Variants in CTNNA3 observed in about 807,000 individuals in gnomAD.
CTNNA3 encodes the protein catenin alpha 3.
CTNNA3 carries 76 observed loss-of-function variants against 95.7 expected under a neutral mutation model. That is an observed-to-expected ratio of 0.79 (90% CI 0.66 to 0.96). The LOEUF (loss-of-function observed/expected upper bound fraction) is 0.96. Among genes scored for constraint, CTNNA3 ranks in the 40% least tolerant of loss-of-function variants. CTNNA3 has a pLI of 0.00. For missense variants in CTNNA3, 1,191 were observed against 1,089.8 expected (o/e 1.09, Z -1.31); for synonymous variants, 431 against 374.4 (o/e 1.15, Z -1.74).
intron 7 of CTNNA3, among the ~76,000 whole-genome samples, chr10:66,793,163 A>T (rs1049168640): frequency 5.3e-5 from 8 of 151,996 alleles, no homozygotes; most frequent in Non-Finnish European, 1.2e-4. Context: ...TTGTTGTTTT[A>T]AGACAGAGTC....
At chr10:67,057,848 G>T (rs1450827190) in intron 7 of CTNNA3, among the ~76,000 whole-genome samples, 1 of 152,048 alleles carries the variant, frequency 6.6e-6, no homozygotes, top group Non-Finnish European at 1.5e-5. Flanking sequence ...ACCAAAGATT[G>T]AAGCCAAAAT....
chr10:67,481,148 A>T (rs1272492575), intron 5 of CTNNA3, among the ~76,000 whole-genome samples: 1 of 152,172 alleles, frequency 6.6e-6, no homozygotes, highest in Non-Finnish European at 1.5e-5. Flanking sequence ...AGAACCATCT[A>T]TGATAAACCC....
At chr10:66,579,619 C>T (rs1193900461) in intron 10 of CTNNA3, among the ~76,000 whole-genome samples, 2 of 151,690 alleles carry the variant, frequency 1.3e-5, no homozygotes, top group Non-Finnish European at 3.0e-5. Context: ...CAAGTTTTTG[C>T]ATTGTTGATA....
chr10:66,006,081 C>T (rs911011977), intron 15 of CTNNA3, among the ~76,000 whole-genome samples: 8 of 147,700 alleles, frequency 5.4e-5, no homozygotes, highest in African/African-American at 7.5e-5. Flanking sequence ...GGCACGATCT[C>T]GGCTCAGTGC....
chr10:66,865,899 A>C (rs924167747), intron 7 of CTNNA3, among the ~76,000 whole-genome samples: 1 of 152,086 alleles, frequency 6.6e-6, no homozygotes, highest in South Asian at 2.1e-4. Context: ...TTTTAGGAAA[A>C]ATAAAATTTA....
chr10:67,642,869 G>T (rs773531984), intron 2 of CTNNA3, among the ~76,000 whole-genome samples: 31 of 152,106 alleles, frequency 2.0e-4, no homozygotes, highest in Non-Finnish European at 3.5e-4. Flanking sequence ...TTACATTGTT[G>T]GTGGGTATGT....
chr10:66,117,048 T>A lies in CTNNA3; in HGVS notation c.1885-13799A>T, dbSNP rs1485869518. Among the ~76,000 whole-genome samples the A allele has an allele frequency of 1.3e-5, 2 of 152,130 alleles. 1 individual carries two copies. Among genetic ancestry groups the A allele is most frequent in the Admixed American group, 1.3e-4 (2 of 15,246 alleles). ...GCATGATTCCATTTATATAACATTCTAAAACTTGCCAGTCAATCTGTAGTG... is the reference window on the plus strand; with the variant it reads ...GCATGATTCCATTTATATAACATTCAAAAACTTGCCAGTCAATCTGTAGTG... On this transcript the variant is annotated intron_variant, in intron 13 of 17. Transcript: ENST00000433211.
At chr10:67,673,619 C>A (rs1840482432) in intron 1 of CTNNA3, among the ~76,000 whole-genome samples, 1 of 146,828 alleles carries the variant, frequency 6.8e-6, no homozygotes, top group Non-Finnish European at 1.5e-5. Context: ...TTGAGATAAT[C>A]ATGTGGTTTT....
chr10:66,754,046 A>C (rs1031570859), intron 9 of CTNNA3, among the ~76,000 whole-genome samples: 1 of 152,196 alleles, frequency 6.6e-6, no homozygotes, highest in African/African-American at 2.4e-5. Context: ...ATTCATATAG[A>C]AATACAAGGG....
At chr10:67,752,275 C>T (rs1442158675) in intron 1 of CTNNA3, among the ~76,000 whole-genome samples, 2 of 152,136 alleles carry the variant, frequency 1.3e-5, no homozygotes, top group Non-Finnish European at 2.9e-5. Flanking sequence ...ATTTAACATC[C>T]CTTCATGTTA....
chr10:66,975,681 A>G (rs912333653), intron 7 of CTNNA3, among the ~76,000 whole-genome samples: 1 of 152,138 alleles, frequency 6.6e-6, no homozygotes, highest in Non-Finnish European at 1.5e-5. Flanking sequence ...TTCATCCACA[A>G]GTTTATCTGG....
At chr10:67,541,047 T>A (rs575781861) in intron 3 of CTNNA3, among the ~76,000 whole-genome samples, 3 of 151,986 alleles carry the variant, frequency 2.0e-5, no homozygotes, top group Non-Finnish European at 2.9e-5. Flanking sequence ...TAACTTATTT[T>A]ACCAGGCCCC....
chr10:66,001,622 T>C (rs1399720708), intron 15 of CTNNA3, among the ~76,000 whole-genome samples: 1 of 152,126 alleles, frequency 6.6e-6, no homozygotes, highest in Non-Finnish European at 1.5e-5. Flanking sequence ...GAATAGAAAA[T>C]CAAATGTTTT....
intron 6 of CTNNA3, among the ~76,000 whole-genome samples, chr10:67,189,137 AACAAC>A (rs1863000688): frequency 8.3e-6 from 1 of 120,674 alleles, no homozygotes; most frequent in Admixed American, 7.2e-5. Context: ...AAACAACAAC[AACAAC>A]AAAAAAAAAA....
chr10:66,728,538 T>C (rs1848849581), intron 9 of CTNNA3, among the ~76,000 whole-genome samples: 1 of 152,300 alleles, frequency 6.6e-6, no homozygotes, highest in African/African-American at 2.4e-5. Flanking sequence ...TTGCCTAATT[T>C]TCTTCTAGCG....
intron 1 of CTNNA3, among the ~76,000 whole-genome samples, chr10:67,690,037 C>G (rs1195662118): frequency 6.6e-6 from 1 of 152,076 alleles, no homozygotes; most frequent in Non-Finnish European, 1.5e-5. Context: ...AGCCGCAGAC[C>G]CCACGGTGAC....
chr10:66,246,069 G>A (rs2090310079), intron 13 of CTNNA3, among the ~76,000 whole-genome samples: 1 of 152,168 alleles, frequency 6.6e-6, no homozygotes, highest in Non-Finnish European at 1.5e-5. Context: ...CCCAAAGGTG[G>A]GGCCTCACCA....
intron 13 of CTNNA3, among the ~76,000 whole-genome samples, chr10:66,261,487 AATTGT>A (rs2090999578): frequency 6.6e-6 from 1 of 152,198 alleles, no homozygotes; most frequent in Non-Finnish European, 1.5e-5. Context: ...ATTGTATTAC[AATTGT>A]ATTTAATTAA....
chr10:67,437,395 A>G (rs937388801), intron 5 of CTNNA3, among the ~76,000 whole-genome samples: 3 of 152,120 alleles, frequency 2.0e-5, no homozygotes, highest in Admixed American at 6.6e-5. Context: ...TGATGGGTGC[A>G]CCAAAATCTC....
Sources: gnomAD v4.1 joint callset for allele counts (sites outside exome capture counted in the v4.1 genomes callset) on GRCh38, gnomAD v4.1.1 for gene constraint, MANE v1.5 for transcripts, NCBI Gene and HGNC (gene_info 2026-07-23, HGNC 2026-07-21) for gene names.